The following GAS7 variants were observed in gnomAD, a reference collection of about 807,000 sequenced individuals.
GAS7 encodes growth arrest-specific protein 7.
In GAS7, 28 loss-of-function variants were observed where a neutral mutation model predicts 71.1. The ratio of observed to expected loss-of-function variants is 0.39; its 90% CI spans 0.29 to 0.54. GAS7 has a LOEUF of 0.54. Ranked by LOEUF, GAS7 falls within the 20% of genes least tolerant of loss-of-function variation. The probability of loss-of-function intolerance (pLI) is 0.62; values close to 1 mark genes in which losing one functional copy is unlikely to be tolerated. For synonymous variants in GAS7, 258 were observed against 245.8 expected, an observed-to-expected ratio of 1.05 and a Z score of -0.46; for missense variants, 436 against 627.8, an observed-to-expected ratio of 0.69 and a Z score of 3.27.
chr17:9,996,925 C>A (rs2071069334), intron 2 of GAS7, among the ~76,000 whole-genome samples: 1 of 152,136 alleles, frequency 6.6e-6, no homozygotes, highest in Admixed American at 6.5e-5. Context: ...CAGGCATGAG[C>A]CACCGCGCCA....
intron 1 of GAS7, among the ~76,000 whole-genome samples, chr17:10,048,153 T>C (rs2073006787): frequency 6.6e-6 from 1 of 152,062 alleles, no homozygotes; most frequent in South Asian, 2.1e-4. Flanking sequence ...AATACAAAAA[T>C]TAGCCAGGCA....
At chr17:10,022,604 C>T (rs865965915) in intron 1 of GAS7, among the ~76,000 whole-genome samples, 37 of 152,238 alleles carry the variant, frequency 2.4e-4, no homozygotes, top group African/African-American at 7.0e-4. Flanking sequence ...ATCTGTGAAA[C>T]GAAGGGTGAT....
At chr17:9,920,446 T>C (rs1174092720) in intron 11 of GAS7, among the ~76,000 whole-genome samples, 1 of 152,262 alleles carries the variant, frequency 6.6e-6, no homozygotes. Flanking sequence ...ATCATATGTA[T>C]GTTTAGAACA....
intron 1 of GAS7, among the ~76,000 whole-genome samples, chr17:10,111,134 C>A (rs1031587275): frequency 8.5e-5 from 13 of 152,172 alleles, no homozygotes; most frequent in Non-Finnish European, 1.6e-4. Flanking sequence ...GGTGTCTTGG[C>A]TGGCACCTGT....
chr17:9,979,875 A>C (rs1280357086), intron 3 of GAS7, among the ~76,000 whole-genome samples: 1 of 151,588 alleles, frequency 6.6e-6, no homozygotes, highest in Non-Finnish European at 1.5e-5. Flanking sequence ...AAAAAAAAAA[A>C]AACACAAGAA....
At chr17:9,932,468 C>T (rs1414493366) in intron 9 of GAS7, among the ~76,000 whole-genome samples, 3 of 152,186 alleles carry the variant, frequency 2.0e-5, no homozygotes, top group African/African-American at 4.8e-5. Flanking sequence ...GCTGGGATTA[C>T]AGGCGTGAGC....
At chr17:10,082,615 C>T (rs754903754) in intron 1 of GAS7, among the ~76,000 whole-genome samples, 6 of 152,158 alleles carry the variant, frequency 3.9e-5, no homozygotes, top group Non-Finnish European at 8.8e-5. Context: ...TGCATGCTTA[C>T]CATATGATCC....
Position 10,034,247 on chromosome 17 carries a change from GGAA to G in GAS7, c.184-14353_184-14351del, listed in dbSNP as rs950687368. On this transcript the variant is annotated intron_variant, in intron 1 of 13. Transcript: ENST00000432992. The surrounding 1 kb of genome is among the most constrained non-coding windows in gnomAD (Gnocchi z 4.4). ...CTCAATTGCTTCATCTCTAAAACACGGAAGTTGGACCAGATGGTCTCCAAGGGC... is the reference window on the plus strand; with the variant it reads ...CTCAATTGCTTCATCTCTAAAACACGGTTGGACCAGATGGTCTCCAAGGGC... The G allele has an allele frequency of 3.0e-6, 3 of 983,976 alleles. No individual in the cohort carries two copies. The African/African-American group carries it at 5.2e-5, about 17-fold the overall frequency. 61.0% of individuals were successfully genotyped at this position (983,976 alleles called of 1,614,324 possible).
At chr17:10,196,974 G>A (rs2074545323) in intron 1 of GAS7, among the ~76,000 whole-genome samples, 1 of 152,170 alleles carries the variant, frequency 6.6e-6, no homozygotes, top group Non-Finnish European at 1.5e-5. Flanking sequence ...TCTGCTGACA[G>A]CCCATGAAAG....
intron 1 of GAS7, among the ~76,000 whole-genome samples, chr17:10,047,928 A>G (rs1407292623): frequency 6.6e-6 from 1 of 152,250 alleles, no homozygotes; most frequent in Non-Finnish European, 1.5e-5. Context: ...AGACCAGAAT[A>G]GGTTAAACTT....
chr17:10,019,641 A>T, intron 2 of GAS7, 136 bp downstream of exon 2: 1 of 815,938 alleles, frequency 1.2e-6, no homozygotes, highest in Non-Finnish European at 1.9e-6. Context: ...GTAAGACTTT[A>T]CTGTAGCCCC....
intron 2 of GAS7, among the ~76,000 whole-genome samples, chr17:9,992,141 C>T (rs1482582553): frequency 3.3e-5 from 5 of 152,126 alleles, no homozygotes; most frequent in South Asian, 2.1e-4. Context: ...AGGACGGTCA[C>T]GGAACCCAGC....
chr17:9,955,351 C>T (rs114340079), intron 5 of GAS7, among the ~76,000 whole-genome samples: 119 of 152,364 alleles, frequency 7.8e-4, no homozygotes, highest in African/African-American at 2.8e-3. Flanking sequence ...CAAGGCCTCC[C>T]AGGCATAGCA....
chr17:10,045,193 T>A (rs368127780), intron 1 of GAS7, among the ~76,000 whole-genome samples: 1 of 151,958 alleles, frequency 6.6e-6, no homozygotes, highest in Admixed American at 6.6e-5. Flanking sequence ...CCTATGAGCA[T>A]AGGATGCAAA....
chr17:10,042,414 C>G (rs71358283), intron 1 of GAS7, among the ~76,000 whole-genome samples: 550 of 152,104 alleles, frequency 3.6e-3, no homozygotes, highest in Non-Finnish European at 6.1e-3. Context: ...CCCAAGCAGT[C>G]TCTAGGGTAC....
At chr17:10,151,233 G>C (rs2074163836) in intron 1 of GAS7, among the ~76,000 whole-genome samples, 1 of 151,704 alleles carries the variant, frequency 6.6e-6, no homozygotes, top group Non-Finnish European at 1.5e-5. Context: ...TCAAACTCCT[G>C]GGCTCAAGTG....
intron 8 of GAS7, among the ~76,000 whole-genome samples, chr17:9,938,003 T>A (rs186605665): frequency 1.3e-5 from 2 of 152,288 alleles, no homozygotes; most frequent in African/African-American, 4.8e-5. Context: ...AAACGCCTGT[T>A]TTGTGAGTGC....
rs983258449 is a variant in GAS7 at position 10,005,168 on chromosome 17, CGCAT to C, written c.304+14605_304+14608del. The stretch of plus-strand genomic sequence containing the variant: ...ACGCATGCATGCATGTGTGTGCGCA[CGCAT>C]GCATGTATGTGTATGTGCACGCATG... On this transcript the variant is annotated intron_variant, in intron 2 of 13. Transcript: ENST00000432992. Among the ~76,000 whole-genome samples the C allele has an allele frequency of 1.4e-4, 13 of 93,350 alleles. No homozygotes were observed. The South Asian group carries it at 1.4e-3, about 10-fold the overall frequency. 61.2% of individuals were successfully genotyped at this position (93,350 alleles called of 152,430 possible).
At position 10,059,916 on chromosome 17, in the gene GAS7, G is replaced by A. The variant is rs77857504; in HGVS notation, c.184-40019C>T. 2,671 of 564,782 alleles carry A rather than the reference G, an allele frequency of 4.7e-3. 77 individuals carry two copies. In the African/African-American group the frequency reaches 0.051, roughly 11 times the overall value. The allele number at this position is 564,782 out of a possible 1,614,324, so 35.0% of individuals were successfully genotyped here. A position where few individuals can be genotyped will look rare whatever the true frequency, so the allele number is the denominator to read the frequency against. ...AATGAAAGAGAAGTATTCTGCAATC[G>A]GGAAAGCATGTCCACAGCCTTCCAG... On this transcript the variant is annotated intron_variant, in intron 1 of 13. Coordinates refer to ENST00000432992, the MANE Select transcript of GAS7 (RefSeq NM_201433.2).
Sources: gnomAD v4.1 joint callset for allele counts (sites outside exome capture counted in the v4.1 genomes callset) on GRCh38, gnomAD v4.1.1 for gene constraint, Gnocchi (gnomAD v3.1) non-coding constraint, MANE v1.5 for transcripts, NCBI Gene and HGNC (gene_info 2026-07-23, HGNC 2026-07-21) for gene names.